The following MYH11 variants were observed in gnomAD, a reference collection of about 807,000 sequenced individuals.
MYH11 encodes myosin-11.
MYH11 carries 80 observed loss-of-function variants against 246.6 expected under a neutral mutation model. The observed-to-expected ratio is 0.32, with a 90% CI of 0.27 to 0.39. The LOEUF (loss-of-function observed/expected upper bound fraction) is 0.39, where lower values mean the gene tolerates loss of function less well. Among genes scored for constraint, MYH11 ranks in the 10% least tolerant of loss-of-function variants. The pLI, the probability that MYH11 is intolerant of heterozygous loss-of-function variation, is 1.00. For missense variants in MYH11, 2,158 were observed against 2,546.8 expected (o/e 0.85, Z 3.29); for synonymous variants, 1,071 against 1,015.5 (o/e 1.05, Z -1.04).
chr16:15,712,455 C>T (rs971845330), intron 40 of MYH11, among the ~76,000 whole-genome samples: 1 of 152,100 alleles, frequency 6.6e-6, no homozygotes, highest in African/African-American at 2.4e-5. Context: ...CAAGACCAGC[C>T]TGGGCAACAT....
Position 15,786,736 on chromosome 16 carries a change from A to G in MYH11, c.531-4T>C, listed in dbSNP as rs369634557. 2.5e-6 allele frequency: 4 copies of G among 1,613,324 alleles called. No individual in the cohort carries two copies. In the African/African-American group the frequency reaches 4.0e-5, roughly 16 times the overall value. On this transcript the variant is annotated splice_polypyrimidine_tract_variant and splice_region_variant and intron_variant, in intron 4 of 40. Coordinates refer to ENST00000300036, the MANE Select transcript of MYH11 (RefSeq NM_002474.3). ...TTTCCCGGCTCCAGACTCGCCTCTG[A>G]AAGACACGGGAACATCATCTATGCA...
chr16:15,825,738 A>G (rs1381016877), intron 2 of MYH11, among the ~76,000 whole-genome samples: 1 of 152,136 alleles, frequency 6.6e-6, no homozygotes, highest in Non-Finnish European at 1.5e-5. Flanking sequence ...GTCAAGGCAC[A>G]AGGCGAGTCC....
chr16:15,807,318 G>C (rs2043036940), intron 3 of MYH11, among the ~76,000 whole-genome samples: 1 of 152,068 alleles, frequency 6.6e-6, no homozygotes, highest in Non-Finnish European at 1.5e-5. Flanking sequence ...CCTTGCTTTT[G>C]AGAAGTTCAT....
At chr16:15,765,585 T>C (rs1008727918) in intron 9 of MYH11, among the ~76,000 whole-genome samples, 12 of 152,188 alleles carry the variant, frequency 7.9e-5, no homozygotes, top group African/African-American at 2.7e-4. Context: ...GTCACTATGT[T>C]CCAGGAACAA....
intron 28 of MYH11, 142 bp from the exon 29 acceptor site, chr16:15,725,134 TAA>T (rs60544332): frequency 3.0e-3 from 1,592 of 532,978 alleles, no homozygotes; most frequent in South Asian, 4.7e-3. Flanking sequence ...GGGACTCTGA[TAA>T]AAAAAAAAAA....
intron 8 of MYH11, among the ~76,000 whole-genome samples, chr16:15,774,395 C>A (rs1199007063): frequency 1.3e-5 from 2 of 152,178 alleles, no homozygotes; most frequent in African/African-American, 4.8e-5. Context: ...ACCAAACAAC[C>A]AAACTGTTTT....
intron 5 of MYH11, among the ~76,000 whole-genome samples, chr16:15,783,889 C>T (rs1011681113): frequency 6.6e-6 from 1 of 152,048 alleles, no homozygotes; most frequent in African/African-American, 2.4e-5. Flanking sequence ...CTGTAATTCT[C>T]CTTCTGATCT....
At chr16:15,742,011 G>A (rs1243833414) in intron 20 of MYH11, 120 bp from the exon 21 acceptor site, 3 of 1,449,412 alleles carry the variant, frequency 2.1e-6, no homozygotes, top group Non-Finnish European at 2.8e-6. Flanking sequence ...CCCACTAGGG[G>A]ATATTGTCTG....
At chr16:15,776,296 G>T in intron 7 of MYH11, 120 bp from the exon 8 acceptor site, 1 of 752,118 alleles carries the variant, frequency 1.3e-6, no homozygotes, top group East Asian at 2.4e-5. Context: ...CCTGGGATCG[G>T]TAATGTCTAA....
chr16:15,835,938 T>C (rs2043879545), intron 2 of MYH11, among the ~76,000 whole-genome samples: 1 of 151,808 alleles, frequency 6.6e-6, no homozygotes, highest in Non-Finnish European at 1.5e-5. Context: ...TTTGCAGAGA[T>C]GGGGTCTCGT....
intron 1 of MYH11, among the ~76,000 whole-genome samples, chr16:15,840,731 C>A (rs1385358916): frequency 1.3e-5 from 2 of 152,096 alleles, no homozygotes; most frequent in Non-Finnish European, 2.9e-5. Context: ...GACCCTGTCT[C>A]AAAACCATCC....
rs1179205872 is a variant in MYH11, at chr16:15,741,621, C to G, written c.2701G>C (p.Glu901Gln). Reference sequence around the variant, plus strand: ...ATCTCCTCAGCCTCTGCATACAGCTCTGTCTCTGCCTGCAGCTGTTCCTGT... The same window carrying G: ...ATCTCCTCAGCCTCTGCATACAGCTGTGTCTCTGCCTGCAGCTGTTCCTGT... Reference protein sequence around the residue: ...LLQEQLQAETELYAEAEEMRV... With the variant: ...LLQEQLQAETQLYAEAEEMRV... Residue 901 changes from glutamate to glutamine, a missense_variant, in exon 22 of 41, where the codon GAG becomes CAG. Transcript: ENST00000300036. The G allele has an allele frequency of 6.2e-7, 1 of 1,613,348 alleles. No homozygotes were observed. Among genetic ancestry groups the G allele is most frequent in the South Asian group, 1.1e-5 (1 of 91,086 alleles).
chr16:15,764,235 C>T (rs187181038), intron 9 of MYH11, among the ~76,000 whole-genome samples: 4 of 152,122 alleles, frequency 2.6e-5, no homozygotes, highest in Admixed American at 1.3e-4. Flanking sequence ...CAACAAAGAT[C>T]GTCTGGCCTA....
rs200297635 is a variant in MYH11, at chr16:15,727,232, ACT to A, written c.3652-180_3652-179del. ...ATTTTTTTTTTGAGATGGAGTCTTA[ACT>A]CTGTTACCCAGGCTGGAGTGCCGTG... is the stretch of plus-strand genomic sequence containing the variant. On this transcript the variant is annotated intron_variant, in intron 27 of 40. Coordinates refer to ENST00000300036, the MANE Select transcript of MYH11 (RefSeq NM_002474.3). 0.012 allele frequency among the ~76,000 whole-genome samples: 1,775 copies of A among 151,284 alleles called. 39 individuals are homozygous for A. Among genetic ancestry groups the A allele is most frequent in the African/African-American group, 0.041 (1,707 of 41,180 alleles).
At chr16:15,711,761 C>A (rs1230986113) in intron 40 of MYH11, among the ~76,000 whole-genome samples, 4 of 152,112 alleles carry the variant, frequency 2.6e-5, no homozygotes, top group African/African-American at 7.2e-5. Flanking sequence ...GGTGCGATCT[C>A]AGCTCACTGT....
At chr16:15,717,912 A>C in intron 37 of MYH11, 1 of 314,308 alleles carries the variant, frequency 3.2e-6, no homozygotes, top group South Asian at 3.3e-5. Context: ...CCTACACCAC[A>C]AGGGGCTGCA....
intron 1 of MYH11, among the ~76,000 whole-genome samples, chr16:15,842,785 AAAAAAG>A (rs2044090084): frequency 6.7e-6 from 1 of 149,540 alleles, no homozygotes; most frequent in Non-Finnish European, 1.5e-5. Context: ...AAAAAAAAAA[AAAAAAG>A]GGCAGAGAAA....
chr16:15,788,072 T>C (rs2042514007), intron 4 of MYH11, among the ~76,000 whole-genome samples: 1 of 135,880 alleles, frequency 7.4e-6, no homozygotes, highest in African/African-American at 2.9e-5. Context: ...AATATGAAGG[T>C]AGATCTTTTT....
At position 15,718,337 on chromosome 16, in the gene MYH11, C is replaced by A. The variant is rs142546324; in HGVS notation, c.5273G>T (p.Arg1758Leu). The change falls in exon 37 of 41, where the codon CGG becomes CTG. Residue 1758 changes from arginine (R) to leucine (L), a missense_variant. Arg to Leu is a moderately radical substitution (Grantham distance 102, BLOSUM62 -2). Transcript: ENST00000300036. ...CACCTGCTGTGTGGCTTTGCGGACC[C>A]GGTCGCTCATGGCCTCCATGTTGCC... is the stretch of plus-strand genomic sequence containing the variant. ...EQGNMEAMSD[R>L]VRKATQQAEQ... is the part of the protein sequence containing the mutation. 1.2e-6 allele frequency: 2 copies of A among 1,609,080 alleles called. No homozygotes were observed. The highest frequency in any genetic ancestry group is 1.7e-6 in the Non-Finnish European group (2 of 1,179,954).
Sources: allele counts gnomAD v4.1 joint callset (sites outside exome capture counted in the v4.1 genomes callset), GRCh38; gene constraint gnomAD v4.1.1; transcripts MANE v1.5; gene names NCBI Gene and HGNC (gene_info 2026-07-23, HGNC 2026-07-21).